Variants in SPMIP2 observed in about 807,000 individuals in gnomAD.
SPMIP2 encodes the protein protein SPMIP2.
chr4:158,922,360 C>A, the SPMIP2 span, among the ~76,000 whole-genome samples: 2 of 152,156 alleles, frequency 1.3e-5, no homozygotes, highest in East Asian at 3.9e-4. Context: ...CCACCACAGT[C>A]CCCCAACTTG....
At chr4:159,054,197 G>A in the SPMIP2 span, among the ~76,000 whole-genome samples, 1 of 152,022 alleles carries the variant, frequency 6.6e-6, no homozygotes, top group African/African-American at 2.4e-5. Context: ...TGCCCAGACT[G>A]TTCTTGAACT....
the SPMIP2 span, among the ~76,000 whole-genome samples, chr4:159,069,078 G>T: frequency 1.3e-5 from 2 of 152,134 alleles, no homozygotes; most frequent in Admixed American, 1.3e-4. Flanking sequence ...TGAGGTGGGT[G>T]GATCACCTGA....
the SPMIP2 span, among the ~76,000 whole-genome samples, chr4:158,991,581 C>G: frequency 6.6e-6 from 1 of 152,162 alleles, no homozygotes; most frequent in Non-Finnish European, 1.5e-5. Context: ...ACCATCACTC[C>G]CCGTGAAAAT....
the SPMIP2 span, among the ~76,000 whole-genome samples, chr4:159,004,260 T>G: frequency 6.7e-6 from 1 of 148,826 alleles, no homozygotes; most frequent in African/African-American, 2.5e-5. Context: ...TGAAGAGGAA[T>G]TAGAGATTGT....
chr4:158,937,960 T>C, the SPMIP2 span, among the ~76,000 whole-genome samples: 1 of 152,330 alleles, frequency 6.6e-6, no homozygotes, highest in East Asian at 1.9e-4. Flanking sequence ...CTTAGGAGTT[T>C]CCTCCCTCCC....
At chr4:159,011,826 A>T in the SPMIP2 span, among the ~76,000 whole-genome samples, 2 of 151,800 alleles carry the variant, frequency 1.3e-5, no homozygotes, top group African/African-American at 4.8e-5. Context: ...TTGGGAGGCC[A>T]GGGTGGGTGG....
chr4:158,949,043 CTT>C, the SPMIP2 span, among the ~76,000 whole-genome samples: 2 of 151,892 alleles, frequency 1.3e-5, no homozygotes, highest in African/African-American at 4.8e-5. Flanking sequence ...TATTTTTTCT[CTT>C]CTTTTTCATC....
chr4:159,063,703 C>T, the SPMIP2 span, among the ~76,000 whole-genome samples: 533 of 151,882 alleles, frequency 3.5e-3, 3 homozygotes, highest in African/African-American at 0.011. Context: ...AAAAGACGGC[C>T]GAAAGCGTGT....
the SPMIP2 span, among the ~76,000 whole-genome samples, chr4:158,923,478 C>G: frequency 1.3e-5 from 2 of 151,996 alleles, no homozygotes; most frequent in Non-Finnish European, 2.9e-5. Flanking sequence ...ATATCTTATT[C>G]TTTTGATATT....
At chr4:159,040,098 T>A in the SPMIP2 span, among the ~76,000 whole-genome samples, 2 of 152,188 alleles carry the variant, frequency 1.3e-5, no homozygotes. Flanking sequence ...CTTATACTTT[T>A]AAGCACTATA....
the SPMIP2 span, among the ~76,000 whole-genome samples, chr4:159,047,035 ATTCTTTC>A: frequency 6.6e-6 from 1 of 152,180 alleles, no homozygotes; most frequent in Non-Finnish European, 1.5e-5. Context: ...TGGTTGCCTC[ATTCTTTC>A]ATTCCTGTAT....
At chr4:158,986,313 G>T in the SPMIP2 span, among the ~76,000 whole-genome samples, 3,560 of 152,066 alleles carry the variant, frequency 0.023, 68 homozygotes, top group Non-Finnish European at 0.035. Flanking sequence ...CCAAAAAAGA[G>T]CCCGCATTGC....
At chr4:158,925,879 G>A in the SPMIP2 span, among the ~76,000 whole-genome samples, 2 of 152,202 alleles carry the variant, frequency 1.3e-5, no homozygotes, top group African/African-American at 2.4e-5. Context: ...CAAGGCACCA[G>A]CAGATTTAGT....
chr4:158,946,475 T>C, the SPMIP2 span, among the ~76,000 whole-genome samples: 1 of 152,154 alleles, frequency 6.6e-6, no homozygotes, highest in South Asian at 2.1e-4. Context: ...GCTATTCTTG[T>C]GATAGTGAGT....
chr4:159,081,587 A>C, the SPMIP2 span, among the ~76,000 whole-genome samples: 4 of 151,842 alleles, frequency 2.6e-5, no homozygotes, highest in Admixed American at 2.6e-4. Context: ...GCTACTTCGG[A>C]GGCTGAGATG....
At chr4:159,014,707 G>A in the SPMIP2 span, among the ~76,000 whole-genome samples, 35 of 151,814 alleles carry the variant, frequency 2.3e-4, 1 homozygote, top group East Asian at 2.7e-3. Flanking sequence ...TGGGTATTTC[G>A]TCATTTATGT....
chr4:158,996,341 T>C, the SPMIP2 span, among the ~76,000 whole-genome samples: 1 of 152,214 alleles, frequency 6.6e-6, no homozygotes, highest in Non-Finnish European at 1.5e-5. Context: ...TCTAAGTAGA[T>C]AACAAATAAA....
chr4:158,998,986 CCT>C, the SPMIP2 span, among the ~76,000 whole-genome samples: 50 of 151,996 alleles, frequency 3.3e-4, no homozygotes, highest in Non-Finnish European at 5.7e-4. Flanking sequence ...ATAGTGAGCC[CCT>C]GTCTCTACAA....
At chr4:159,075,959 A>G in the SPMIP2 span, among the ~76,000 whole-genome samples, 1 of 152,166 alleles carries the variant, frequency 6.6e-6, no homozygotes, top group Admixed American at 6.6e-5. Context: ...CATGTAATCA[A>G]GAAGATTTTG....
Sources: allele counts gnomAD v4.1 joint callset (sites outside exome capture counted in the v4.1 genomes callset), GRCh38; gene constraint gnomAD v4.1.1; transcripts MANE v1.5; gene names NCBI Gene and HGNC (gene_info 2026-07-23, HGNC 2026-07-21).